The following CCNH variants were observed in gnomAD, a reference collection of about 807,000 sequenced individuals.
CCNH encodes the protein cyclin H.
Under a neutral mutation model 41.9 loss-of-function variants are expected in CCNH, and 31 were observed. The observed-to-expected ratio is 0.74, with a 90% confidence interval of 0.56 to 1.00. The LOEUF (loss-of-function observed/expected upper bound fraction) is 1.00. Ranked by LOEUF, CCNH falls within the 50% of genes least tolerant of loss-of-function variation. The pLI, the probability that CCNH is intolerant of heterozygous loss-of-function variation, is 0.00. For missense variants in CCNH, 362 were observed against 388.4 expected, an observed-to-expected ratio of 0.93 and a Z score of 0.57; for synonymous variants, 138 against 136.1, an observed-to-expected ratio of 1.01 and a Z score of -0.10.
chr5:87,383,637 A>G, intron 9 of CCNH: 1 of 1,119,804 alleles, frequency 8.9e-7, no homozygotes, highest in African/African-American at 1.6e-5. Flanking sequence ...AATTCTGTTT[A>G]TATATATTGT....
chr5:87,350,825 T>A (rs1229365139), intron 9 of CCNH, among the ~76,000 whole-genome samples: 2 of 151,748 alleles, frequency 1.3e-5, no homozygotes, highest in Non-Finnish European at 3.0e-5. Flanking sequence ...TAAATTCATC[T>A]TATTGTTTCT....
intron 9 of CCNH, among the ~76,000 whole-genome samples, chr5:87,323,026 G>A (rs959323769): frequency 5.3e-5 from 8 of 152,122 alleles, no homozygotes; most frequent in East Asian, 1.9e-4. Context: ...TAAGCCTGGC[G>A]TTTAGGAAGG....
intron 4 of CCNH, 60 bp from the exon 5 acceptor site, chr5:87,405,067 G>GTT: frequency 8.0e-7 from 1 of 1,242,830 alleles, no homozygotes; most frequent in Non-Finnish European, 1.1e-6. Context: ...TATAACAACA[G>GTT]TTTAAAAATT....
intron 9 of CCNH, among the ~76,000 whole-genome samples, chr5:87,328,962 T>C (rs1486891713): frequency 7.7e-6 from 1 of 130,352 alleles, no homozygotes; most frequent in Non-Finnish European, 1.8e-5. Context: ...AGCTGATGGC[T>C]GGATAATTTA....
At chr5:87,329,353 G>C (rs1429186575) in intron 9 of CCNH, among the ~76,000 whole-genome samples, 2 of 151,882 alleles carry the variant, frequency 1.3e-5, no homozygotes, top group Non-Finnish European at 2.9e-5. Flanking sequence ...GTGGTGGGAA[G>C]ATGGGTTGAG....
chr5:87,392,119 T>C (rs577304564), downstream of CCNH: 4 of 379,038 alleles, frequency 1.1e-5, no homozygotes, highest in South Asian at 4.2e-5. Flanking sequence ...GCAGGGCAGA[T>C]AGATAGGACA....
At chr5:87,341,688 C>T (rs1758476503) in intron 9 of CCNH, among the ~76,000 whole-genome samples, 1 of 151,892 alleles carries the variant, frequency 6.6e-6, no homozygotes. Flanking sequence ...CCCAAAATAA[C>T]GGTTCTTCAC....
At chr5:87,405,517 A>C (rs559299040) in intron 4 of CCNH, among the ~76,000 whole-genome samples, 1 of 152,210 alleles carries the variant, frequency 6.6e-6, no homozygotes, top group South Asian at 2.1e-4. Flanking sequence ...TAAACTATAA[A>C]TCCTAAGTCC....
intron 6 of CCNH, among the ~76,000 whole-genome samples, chr5:87,400,775 T>C (rs1373029403): frequency 6.6e-6 from 1 of 152,206 alleles, no homozygotes; most frequent in Non-Finnish European, 1.5e-5. Context: ...AAGAACAATT[T>C]ACACAAGAAG....
At chr5:87,372,310 G>T (rs1278942921), downstream of CCNH, 1 of 911,698 alleles carries the variant, frequency 1.1e-6, no homozygotes, top group Non-Finnish European at 1.7e-6. Flanking sequence ...AAGCCATGCT[G>T]CCACTTGCTT....
intron 9 of CCNH, among the ~76,000 whole-genome samples, chr5:87,323,699 T>G (rs1442483595): frequency 1.3e-5 from 2 of 152,170 alleles, no homozygotes; most frequent in Non-Finnish European, 2.9e-5. Flanking sequence ...TGGCTATATA[T>G]CTTTTGATAA....
At chr5:87,326,934 A>G (rs1757272967) in intron 9 of CCNH, among the ~76,000 whole-genome samples, 1 of 152,332 alleles carries the variant, frequency 6.6e-6, no homozygotes, top group East Asian at 1.9e-4. Context: ...AGACTGGAAA[A>G]TAGGTAATTG....
chr5:87,380,557 G>A (rs1761637343), upstream of CCNH: 8 of 1,613,478 alleles, frequency 5.0e-6, no homozygotes, highest in Non-Finnish European at 6.8e-6. Flanking sequence ...TTCAGCATAA[G>A]TGGCCTACAA....
downstream of CCNH, among the ~76,000 whole-genome samples, chr5:87,388,665 T>G (rs956454960): frequency 6.6e-6 from 1 of 152,210 alleles, no homozygotes; most frequent in Non-Finnish European, 1.5e-5. Context: ...TAACACTGAT[T>G]ATTCCCACAC....
downstream of CCNH, chr5:87,391,694 A>T (rs1762533503): frequency 4.3e-6 from 1 of 232,982 alleles, no homozygotes; most frequent in African/African-American, 2.2e-5. Context: ...TATGTTAACT[A>T]GAATGCTTTT....
At chr5:87,322,614 CT>C (rs1756912551) in intron 9 of CCNH, among the ~76,000 whole-genome samples, 1 of 152,088 alleles carries the variant, frequency 6.6e-6, no homozygotes, top group Non-Finnish European at 1.5e-5. Flanking sequence ...TAAAAGCTTC[CT>C]GAGGCCTCAC....
chr5:87,344,699 T>G (rs1758722104), intron 9 of CCNH, among the ~76,000 whole-genome samples: 1 of 147,008 alleles, frequency 6.8e-6, no homozygotes, highest in African/African-American at 2.6e-5. Context: ...TTTTTTTTTT[T>G]GTAAAGATGA....
intron 9 of CCNH, among the ~76,000 whole-genome samples, chr5:87,321,026 A>G (rs112629024): frequency 0.032 from 4,899 of 152,258 alleles, 118 homozygotes; most frequent in Non-Finnish European, 0.05. Flanking sequence ...TGAAATGATT[A>G]AGCCTGTGGT....
chr5:87,379,657 A>G (rs1580393442), upstream of CCNH: 15 of 1,559,044 alleles, frequency 9.6e-6, no homozygotes, highest in South Asian at 1.2e-5. Flanking sequence ...CTCGAAAACT[A>G]TAACTACTTG....
Sources: gnomAD v4.1 joint callset for allele counts (sites outside exome capture counted in the v4.1 genomes callset) on GRCh38, gnomAD v4.1.1 for gene constraint, MANE v1.5 for transcripts, NCBI Gene and HGNC (gene_info 2026-07-23, HGNC 2026-07-21) for gene names.